The following GTF2F1 variants were observed in gnomAD, a reference collection of about 807,000 sequenced individuals.
The protein encoded by GTF2F1 is general transcription factor IIF 74 kDa subunit.
In GTF2F1, 39 loss-of-function variants were observed where a neutral mutation model predicts 63.5. The observed-to-expected ratio is 0.61, with a 90% CI of 0.48 to 0.80. The LOEUF is 0.80. GTF2F1 is among the 30% of genes least tolerant of loss of function. The pLI, the probability that GTF2F1 is intolerant of heterozygous loss-of-function variation, is 0.00. For missense variants in GTF2F1, 657 were observed against 718.3 expected (o/e 0.91, Z 0.97); for synonymous variants, 287 against 285.3 (o/e 1.01, Z -0.06).
chr19:6,381,870 A>AGGAAAGGAG lies in GTF2F1; in HGVS notation c.683-29_683-21dup. 6.3e-7 allele frequency: 1 copy of AGGAAAGGAG among 1,598,442 alleles called. No homozygotes were observed. The highest frequency in any genetic ancestry group is 1.1e-5 in the South Asian group (1 of 90,664). On this transcript the variant is annotated intron_variant, in intron 6 of 12. Transcript: ENST00000394456. This position sits in a 1 kb window ranked among gnomAD's most constrained non-coding sequence, Gnocchi z 4.1. ...TGCCCCCTGGGAAGGGAGGAAAGGA[A>AGGAAAGGAG]GGAAAGGAGGGAAAGTGAGGAGGAA... is the stretch of plus-strand genomic sequence containing the variant.
Position 6,389,590 on chromosome 19 carries a change from C to T in GTF2F1, c.180G>A (p.Glu60=), listed in dbSNP as rs1568331828. 1 of 1,614,210 alleles carries T rather than the reference C, an allele frequency of 6.2e-7. No homozygotes were observed. The highest frequency in any genetic ancestry group is 2.2e-5 in the East Asian group (1 of 44,888). ...TGCCCGCGCCCGATTCGGGCATCTCCTCCTCTTGGTAGATTTTCTTGTTGC... is the reference window on the plus strand; with the variant it reads ...TGCCCGCGCCCGATTCGGGCATCTCTTCCTCTTGGTAGATTTTCTTGTTGC... ...DLSNKKIYQE[E]EMPESGAGSE... Residue 60 remains glutamate (E), a synonymous_variant, in exon 4 of 13, where the codon GAG becomes GAA. Transcript: ENST00000394456.
At position 6,381,304 on chromosome 19, in the gene GTF2F1, G is replaced by A; in HGVS notation, c.1018+55C>T. Reference sequence around the variant, plus strand: ...CCTGCAGGGGAGAGGGGAGGAGGTGGCAGGGCGCCAGGGCCCGACCCAAGC... The same window carrying A: ...CCTGCAGGGGAGAGGGGAGGAGGTGACAGGGCGCCAGGGCCCGACCCAAGC... On this transcript the variant is annotated intron_variant, in intron 9 of 12. Transcript: ENST00000394456. The surrounding 1 kb of genome is among the most constrained non-coding windows in gnomAD (Gnocchi z 4.1). 4 of 1,542,528 alleles carry A rather than the reference G, an allele frequency of 2.6e-6. No individual in the cohort carries two copies. The highest frequency in any genetic ancestry group is 3.5e-6 in the Non-Finnish European group (4 of 1,142,626).
chr19:6,384,491 G>A (rs1210283914), intron 5 of GTF2F1, among the ~76,000 whole-genome samples: 1 of 147,258 alleles, frequency 6.8e-6, no homozygotes, highest in East Asian at 2.0e-4. Flanking sequence ...CTCGGTGACA[G>A]AGTAAGAATC....
intron 4 of GTF2F1, 72 bp downstream of exon 4, chr19:6,389,372 A>T: frequency 7.2e-7 from 1 of 1,391,912 alleles, no homozygotes; most frequent in Non-Finnish European, 9.9e-7. Flanking sequence ...GGTACCCCAC[A>T]AAGTATGTAA....
chr19:6,391,636 G>A (rs548826673), intron 3 of GTF2F1, among the ~76,000 whole-genome samples: 1 of 151,768 alleles, frequency 6.6e-6, no homozygotes, highest in South Asian at 2.1e-4. Context: ...TTTTTGTAGA[G>A]TTGGGGTCTT....
intron 4 of GTF2F1, among the ~76,000 whole-genome samples, chr19:6,388,257 C>G (rs764300284): frequency 4.6e-5 from 7 of 152,156 alleles, no homozygotes; most frequent in African/African-American, 7.2e-5. Context: ...GAAGTGGACA[C>G]CTGGCCCGGG....
In GTF2F1 at chr19:6,392,913, G is replaced by T; in HGVS notation, c.13-10C>A. The T allele has an allele frequency of 1.9e-6, 3 of 1,614,192 alleles. No homozygotes were observed. Among genetic ancestry groups the T allele is most frequent in the Non-Finnish European group, 1.7e-6 (2 of 1,180,024 alleles). On this transcript the variant is annotated splice_polypyrimidine_tract_variant and intron_variant, in intron 1 of 12. Coordinates refer to ENST00000394456, the MANE Select transcript of GTF2F1 (RefSeq NM_002096.3). ...TCTGGCTGCTAGGGCCCTGCGGAAA[G>T]AGGAAGCGGTGAGTGAGGGGTCGCC...
In GTF2F1 at chr19:6,391,159, A is replaced by C. The variant is rs77489501; in HGVS notation, c.132+743T>G. On this transcript the variant is annotated intron_variant, in intron 3 of 12. Transcript: ENST00000394456. Reference sequence around the variant, plus strand: ...TCTCCGTTTATTTGCCCTCAAACCCACAGTTTGTCTCCCCATAGCAGCCAG... The same window carrying C: ...TCTCCGTTTATTTGCCCTCAAACCCCCAGTTTGTCTCCCCATAGCAGCCAG... Among the ~76,000 whole-genome samples, 32 of 152,184 alleles carry C rather than the reference A, an allele frequency of 2.1e-4. No individual in the cohort carries two copies. The East Asian group carries it at 3.3e-3, about 16-fold the overall frequency.
rs1319165009 is a variant in GTF2F1, at chr19:6,383,590, C to A, written c.498-95G>T. ...AGCCCCAGGGCACCACCCACATAGC[C>A]TTCAAGGTGATGTGGCCCCCGGGGA... On this transcript the variant is annotated intron_variant, in intron 5 of 12. Transcript: ENST00000394456. This position sits in a 1 kb window ranked among gnomAD's most constrained non-coding sequence, Gnocchi z 4.5. 1 of 1,348,066 alleles carries A rather than the reference C, an allele frequency of 7.4e-7. No individual in the cohort carries two copies. The highest frequency in any genetic ancestry group is 1.0e-6 in the Non-Finnish European group (1 of 969,228). 83.5% of individuals were successfully genotyped at this position (1,348,066 alleles called of 1,614,324 possible).
intron 2 of GTF2F1, chr19:6,392,345 C>A: frequency 2.1e-6 from 1 of 477,848 alleles, no homozygotes; most frequent in Non-Finnish European, 4.1e-6. Flanking sequence ...TTTGGGGGAA[C>A]CCAAGATGTG....
At position 6,393,038 on chromosome 19, in the gene GTF2F1, T is replaced by G; in HGVS notation, c.-43A>C. On this transcript the variant is annotated 5_prime_UTR_variant, in exon 1 of 13. Transcript: ENST00000394456. ...TCCGATCTGGTCCGACCCGGGTTCC[T>G]TTCGTCTCCTCTGGCGTGCGCGTCC... The G allele has an allele frequency of 6.2e-7, 1 of 1,612,272 alleles. No individual in the cohort carries two copies. Among genetic ancestry groups the G allele is most frequent in the Non-Finnish European group, 8.5e-7 (1 of 1,179,664 alleles).
At chr19:6,387,289 C>T (rs1599213965) in intron 5 of GTF2F1, 100 bp downstream of exon 5, 4 of 1,197,006 alleles carry the variant, frequency 3.3e-6, no homozygotes, top group Non-Finnish European at 3.6e-6. Flanking sequence ...CCTGGTTACC[C>T]CTGAGTCCCC....
intron 5 of GTF2F1, among the ~76,000 whole-genome samples, chr19:6,386,600 T>C (rs540848639): frequency 0.056 from 8,560 of 151,882 alleles, 329 homozygotes; most frequent in Non-Finnish European, 0.087. Context: ...CCCGCCACCA[T>C]GCCCGGCTAA....
rs2091944022 is a variant in GTF2F1 at position 6,380,759 on chromosome 19, G to A, written c.1232-69C>T. 4 of 1,564,832 alleles carry A rather than the reference G, an allele frequency of 2.6e-6. No individual in the cohort carries two copies. Among genetic ancestry groups the A allele is most frequent in the East Asian group, 4.5e-5 (2 of 44,570 alleles). On this transcript the variant is annotated intron_variant, in intron 11 of 12. Transcript: ENST00000394456. The surrounding 1 kb of genome is among the most constrained non-coding windows in gnomAD (Gnocchi z 5.3). Reference sequence around the variant, plus strand: ...GAACCCCTGGGCAGGACCCCAGGCTGGGCAGTGCCAGGATTAGGGTTCAAG... The same window carrying A: ...GAACCCCTGGGCAGGACCCCAGGCTAGGCAGTGCCAGGATTAGGGTTCAAG...
Position 6,383,545 on chromosome 19 carries a change from A to AAGCACAGATGCAGGG in GTF2F1, c.498-51_498-50insCCCTGCATCTGTGCT. On this transcript the variant is annotated intron_variant, in intron 5 of 12. Transcript: ENST00000394456. This position sits in a 1 kb window ranked among gnomAD's most constrained non-coding sequence, Gnocchi z 4.5. The stretch of plus-strand genomic sequence containing the variant: ...CATGCCGGGCCTGGCACCACCCTGC[A>AAGCACAGATGCAGGG]TCTGTGCTTGCAGGGGGCGAGCCCC... The AAGCACAGATGCAGGG allele has an allele frequency of 6.3e-7, 1 of 1,589,310 alleles. No homozygotes were observed. Among genetic ancestry groups the AAGCACAGATGCAGGG allele is most frequent in the Non-Finnish European group, 8.6e-7 (1 of 1,164,628 alleles).
In GTF2F1 at chr19:6,380,032, A is replaced by G. The variant is rs1451190558; in HGVS notation, c.*249T>C. On this transcript the variant is annotated 3_prime_UTR_variant, in exon 13 of 13. Transcript: ENST00000394456. This position sits in a 1 kb window ranked among gnomAD's most constrained non-coding sequence, Gnocchi z 5.3. The stretch of plus-strand genomic sequence containing the variant: ...AGGCCGAGCCAGGAGGAGGAGGACA[A>G]TAAGAAGGCCTAACAGGCATCTGAA... 5.3e-6 allele frequency: 3 copies of G among 566,446 alleles called. No individual in the cohort carries two copies. Among genetic ancestry groups the G allele is most frequent in the African/African-American group, 3.8e-5 (2 of 53,176 alleles). The allele number at this position is 566,446 out of a possible 1,614,324, so 35.1% of individuals were successfully genotyped here.
At chr19:6,390,936 G>A (rs774275226) in intron 3 of GTF2F1, among the ~76,000 whole-genome samples, 1 of 152,032 alleles carries the variant, frequency 6.6e-6, no homozygotes, top group Non-Finnish European at 1.5e-5. Flanking sequence ...CTGACATTAA[G>A]GCACCAAAAT....
rs907181295 is a variant in GTF2F1 at position 6,383,906 on chromosome 19, C to A, written c.498-411G>T. Among the ~76,000 whole-genome samples, 5 of 151,938 alleles carry A rather than the reference C, an allele frequency of 3.3e-5. No individual in the cohort carries two copies. The highest frequency in any genetic ancestry group is 2.0e-4 in the Admixed American group (3 of 15,254). On this transcript the variant is annotated intron_variant, in intron 5 of 12. Transcript: ENST00000394456. This position sits in a 1 kb window ranked among gnomAD's most constrained non-coding sequence, Gnocchi z 4.5. ...CCGCCTCCTGGCTTCAAGCAATTCT[C>A]CTGACTCAGCCTCCCAGATAGCCGG...
In GTF2F1 at chr19:6,389,532, G is replaced by A. The variant is rs1196838858; in HGVS notation, c.238C>T (p.Arg80Trp). ...AGGACGATGCCGTACTTCTTCCTCC[G>A]AGCCTCCTCCCGAAGCTTGCGGTTG... Reference protein sequence around the residue: ...EFNRKLREEARRKKYGIVLKE... With the variant: ...EFNRKLREEAWRKKYGIVLKE... The change falls in exon 4 of 13, where the codon CGG (arginine) becomes TGG (tryptophan). Residue 80 changes from arginine (R) to tryptophan (W), a missense_variant. Arg to Trp is a moderately radical substitution (Grantham distance 101, BLOSUM62 -3). This residue lies in a region of GTF2F1 where 602 missense variants were observed against 625.6 expected (regional missense o/e 0.96). Transcript: ENST00000394456. 6.2e-6 allele frequency: 10 copies of A among 1,614,058 alleles called. No individual in the cohort carries two copies. The highest frequency in any genetic ancestry group is 1.1e-5 in the South Asian group (1 of 91,094).
Sources: gnomAD v4.1 joint callset for allele counts (sites outside exome capture counted in the v4.1 genomes callset) on GRCh38, gnomAD v4.1.1 for gene constraint, gnomAD v4.1.1 regional missense constraint, Gnocchi (gnomAD v3.1) non-coding constraint, MANE v1.5 for transcripts, NCBI Gene and HGNC (gene_info 2026-07-23, HGNC 2026-07-21) for gene names.